Variants in KCNQ5 observed in about 807,000 individuals in gnomAD.
The protein encoded by KCNQ5 is potassium voltage-gated channel subfamily Q member 5.
Under a neutral mutation model 98.2 loss-of-function variants are expected in KCNQ5, and 30 were observed. That is an observed-to-expected ratio of 0.31 (90% confidence interval 0.23 to 0.41). KCNQ5 has a LOEUF of 0.41. Ranked by LOEUF, KCNQ5 falls within the 10% of genes least tolerant of loss-of-function variation. The pLI, the probability that KCNQ5 is intolerant of heterozygous loss-of-function variation, is 1.00. For missense variants in KCNQ5, 835 were observed against 1,182.5 expected, an observed-to-expected ratio of 0.71 and a Z score of 4.31; for synonymous variants, 458 against 449.4, an observed-to-expected ratio of 1.02 and a Z score of -0.24.
intron 1 of KCNQ5, among the ~76,000 whole-genome samples, chr6:72,679,899 G>A (rs1054685092): frequency 6.6e-6 from 1 of 152,024 alleles, no homozygotes; most frequent in Admixed American, 6.6e-5. Context: ...TTAGCTGGAT[G>A]TAGTAGTGCA....
chr6:72,688,133 T>C (rs1768047120), intron 1 of KCNQ5, among the ~76,000 whole-genome samples: 2 of 152,300 alleles, frequency 1.3e-5, no homozygotes, highest in East Asian at 3.9e-4. Context: ...TAAATGCATG[T>C]TACATTGCTT....
intron 1 of KCNQ5, among the ~76,000 whole-genome samples, chr6:72,932,380 T>G (rs954815180): frequency 6.6e-6 from 1 of 152,130 alleles, no homozygotes; most frequent in Non-Finnish European, 1.5e-5. Context: ...TAAGCCTGAA[T>G]AACTGAGAAG....
chr6:73,154,268 C>A (rs1777268004), intron 10 of KCNQ5, among the ~76,000 whole-genome samples: 1 of 152,062 alleles, frequency 6.6e-6, no homozygotes, highest in Admixed American at 6.6e-5. Flanking sequence ...CACTTGTAAG[C>A]TATTACTCCA....
rs947664761 is a variant in KCNQ5 at position 72,738,418 on chromosome 6, A to C, written c.398+115831A>C. 3.4e-4 allele frequency among the ~76,000 whole-genome samples: 51 copies of C among 152,140 alleles called. 1 individual carries two copies. The highest frequency in any genetic ancestry group is 1.1e-3 in the African/African-American group (45 of 41,546). ...CTCTAAATTACTATAAATATATTAA[A>C]ATATTATATTACACTTTAGGTTCTC... On this transcript the variant is annotated intron_variant, in intron 1 of 13. Coordinates refer to ENST00000370398, the MANE Select transcript of KCNQ5 (RefSeq NM_019842.4).
At chr6:72,705,370 A>G (rs570287604) in intron 1 of KCNQ5, among the ~76,000 whole-genome samples, 2 of 152,296 alleles carry the variant, frequency 1.3e-5, no homozygotes, top group African/African-American at 4.8e-5. Flanking sequence ...ACATGTATGA[A>G]TAATACAGAT....
intron 1 of KCNQ5, among the ~76,000 whole-genome samples, chr6:72,667,776 C>T (rs1766897648): frequency 6.6e-6 from 1 of 151,932 alleles, no homozygotes; most frequent in Non-Finnish European, 1.5e-5. Context: ...ATGATGTATC[C>T]CTATATGATG....
At chr6:73,106,702 T>G (rs1179359896) in intron 6 of KCNQ5, among the ~76,000 whole-genome samples, 1 of 152,214 alleles carries the variant, frequency 6.6e-6, no homozygotes, top group Admixed American at 6.5e-5. Context: ...TCAAACAAGG[T>G]CACATTCTGA....
intron 1 of KCNQ5, among the ~76,000 whole-genome samples, chr6:72,706,191 T>A (rs1440344990): frequency 6.6e-6 from 1 of 152,038 alleles, no homozygotes; most frequent in African/African-American, 2.4e-5. Context: ...AACAGAAGCA[T>A]CTTATCTACC....
At chr6:72,914,915 T>C (rs1780072801) in intron 1 of KCNQ5, among the ~76,000 whole-genome samples, 1 of 152,016 alleles carries the variant, frequency 6.6e-6, no homozygotes, top group South Asian at 2.1e-4. Flanking sequence ...AAAGGAAACA[T>C]GCAAAACCCA....
At chr6:72,779,498 G>A (rs1339439751) in intron 1 of KCNQ5, among the ~76,000 whole-genome samples, 1 of 151,784 alleles carries the variant, frequency 6.6e-6, no homozygotes, top group Non-Finnish European at 1.5e-5. Context: ...TTTTTTCCTA[G>A]TAAGAGGTAA....
chr6:73,010,067 A>G (rs375248409), intron 2 of KCNQ5, among the ~76,000 whole-genome samples: 3 of 152,162 alleles, frequency 2.0e-5, no homozygotes, highest in African/African-American at 4.8e-5. Flanking sequence ...AAAGAAAACC[A>G]TAGACCATTA....
intron 1 of KCNQ5, among the ~76,000 whole-genome samples, chr6:72,718,065 A>G: frequency 6.6e-6 from 1 of 152,138 alleles, no homozygotes; most frequent in East Asian, 1.9e-4. Flanking sequence ...CCCAAAGCAT[A>G]CATGCCTCAT....
intron 10 of KCNQ5, chr6:73,135,403 C>A (rs1272494401): frequency 7.2e-6 from 1 of 139,524 alleles, no homozygotes; most frequent in East Asian, 2.0e-4. Flanking sequence ...AAAGGATTTT[C>A]TTTTTTAAAA....
At chr6:72,651,309 G>A (rs906023979) in intron 1 of KCNQ5, among the ~76,000 whole-genome samples, 4 of 152,004 alleles carry the variant, frequency 2.6e-5, no homozygotes, top group African/African-American at 7.2e-5. Flanking sequence ...TGAATGAAAG[G>A]ATGGACAGAT....
intron 1 of KCNQ5, among the ~76,000 whole-genome samples, chr6:72,826,996 C>T (rs76099393): frequency 6.6e-6 from 1 of 152,110 alleles, no homozygotes; most frequent in Non-Finnish European, 1.5e-5. Context: ...ATGTTCCTGG[C>T]TTATTTCACA....
intron 1 of KCNQ5, among the ~76,000 whole-genome samples, chr6:72,931,633 A>G (rs1442544749): frequency 6.6e-6 from 1 of 152,218 alleles, no homozygotes; most frequent in Non-Finnish European, 1.5e-5. Context: ...TTTATATTGC[A>G]GACCAAAAGG....
intron 1 of KCNQ5, among the ~76,000 whole-genome samples, chr6:72,901,749 G>A (rs1779514467): frequency 6.6e-6 from 1 of 152,082 alleles, no homozygotes; most frequent in Non-Finnish European, 1.5e-5. Context: ...GGTGACTATG[G>A]CCTTATAGTA....
intron 9 of KCNQ5, among the ~76,000 whole-genome samples, chr6:73,131,246 A>G (rs1026289566): frequency 4.6e-5 from 7 of 152,226 alleles, no homozygotes; most frequent in Admixed American, 2.6e-4. Context: ...CTTTTTTAGT[A>G]ATTGAATTTT....
chr6:72,890,449 T>C (rs1488063203), intron 1 of KCNQ5, among the ~76,000 whole-genome samples: 1 of 150,666 alleles, frequency 6.6e-6, no homozygotes, highest in Non-Finnish European at 1.5e-5. Flanking sequence ...GTGGCAACTC[T>C]ATACATGAAA....
Sources: gnomAD v4.1 joint callset for allele counts (sites outside exome capture counted in the v4.1 genomes callset) on GRCh38, gnomAD v4.1.1 for gene constraint, MANE v1.5 for transcripts, NCBI Gene and HGNC (gene_info 2026-07-23, HGNC 2026-07-21) for gene names.